The following DNM3 variants were observed in gnomAD, a reference collection of about 807,000 sequenced individuals.
The protein encoded by DNM3 is dynamin-3.
Under a neutral mutation model 101.6 loss-of-function variants are expected in DNM3, and 47 were observed. The observed-to-expected ratio is 0.46, with a 90% CI of 0.37 to 0.59. DNM3 has a LOEUF of 0.59. Ranked by LOEUF, DNM3 falls within the 20% of genes least tolerant of loss-of-function variation. The probability of loss-of-function intolerance (pLI) is 0.00; values close to 1 mark genes in which losing one functional copy is unlikely to be tolerated. For synonymous variants in DNM3, 385 were observed against 387.9 expected (o/e 0.99, Z 0.09); for missense variants, 849 against 1,085.7 (o/e 0.78, Z 3.06).
At position 172,315,300 on chromosome 1, in the gene DNM3, G is replaced by A. The variant is rs1018796887; in HGVS notation, c.1881+6461G>A. Reference sequence around the variant, plus strand: ...ACCACAAAGATGGGGAAAAAACAGAGCAGAAAAACTGGAAACTCTAAAAAG... The same window carrying A: ...ACCACAAAGATGGGGAAAAAACAGAACAGAAAAACTGGAAACTCTAAAAAG... On this transcript the variant is annotated intron_variant, in intron 16 of 20. Coordinates refer to ENST00000627582, the MANE Select transcript of DNM3 (RefSeq NM_015569.5). 4.6e-5 allele frequency among the ~76,000 whole-genome samples: 7 copies of A among 152,218 alleles called. No individual in the cohort carries two copies. The East Asian group carries it at 1.2e-3, about 25-fold the overall frequency.
intron 4 of DNM3, among the ~76,000 whole-genome samples, chr1:172,021,415 C>A (rs1025998876): frequency 1.3e-5 from 2 of 151,912 alleles, no homozygotes; most frequent in African/African-American, 4.8e-5. Context: ...TATGACTGAG[C>A]CATTACACTC....
chr1:172,224,348 A>G (rs889633662), intron 14 of DNM3, among the ~76,000 whole-genome samples: 1 of 152,198 alleles, frequency 6.6e-6, no homozygotes, highest in Non-Finnish European at 1.5e-5. Flanking sequence ...AGGCTAAATT[A>G]CTGAATTCAT....
At chr1:171,920,610 C>G (rs556049376) in intron 1 of DNM3, among the ~76,000 whole-genome samples, 158 of 152,270 alleles carry the variant, frequency 1.0e-3, no homozygotes, top group African/African-American at 3.7e-3. Flanking sequence ...GTGATGATTC[C>G]TCTAAAAGTT....
chr1:172,366,306 A>G (rs562939122), intron 17 of DNM3, among the ~76,000 whole-genome samples: 1 of 152,078 alleles, frequency 6.6e-6, no homozygotes, highest in Non-Finnish European at 1.5e-5. Flanking sequence ...AACCAAATAC[A>G]AAGAAAACTC....
chr1:171,999,817 A>G (rs1335276728), intron 4 of DNM3, among the ~76,000 whole-genome samples: 1 of 152,126 alleles, frequency 6.6e-6, no homozygotes, highest in Non-Finnish European at 1.5e-5. Context: ...CCATGTGAAG[A>G]TGGAGGCAGA....
At position 172,163,954 on chromosome 1, in the gene DNM3, TATAC is replaced by T. The variant is rs756105335; in HGVS notation, c.1659+32668_1659+32671del. Among the ~76,000 whole-genome samples the T allele has an allele frequency of 2.4e-3, 271 of 112,224 alleles. 2 individuals carry two copies. The highest frequency in any genetic ancestry group is 0.013 in the South Asian group (50 of 3,742). The allele number at this position is 112,224 out of a possible 152,430, so 73.6% of individuals were successfully genotyped here. On this transcript the variant is annotated intron_variant, in intron 14 of 20. Transcript: ENST00000627582. The stretch of plus-strand genomic sequence containing the variant: ...GCATATATACACATGCATACATATA[TATAC>T]ACACACACACACACACACACACACA...
intron 1 of DNM3, among the ~76,000 whole-genome samples, chr1:171,890,963 C>A (rs1478729170): frequency 6.6e-6 from 1 of 152,116 alleles, no homozygotes; most frequent in African/African-American, 2.4e-5. Flanking sequence ...CCACTGGCAC[C>A]CAACTGGGAC....
intron 1 of DNM3, among the ~76,000 whole-genome samples, chr1:171,908,884 A>G (rs1220642566): frequency 1.3e-5 from 2 of 152,134 alleles, no homozygotes; most frequent in African/African-American, 2.4e-5. Flanking sequence ...CTATAGCCAT[A>G]TTAAATGTGG....
At chr1:172,182,046 G>A (rs936592561) in intron 14 of DNM3, among the ~76,000 whole-genome samples, 2 of 151,754 alleles carry the variant, frequency 1.3e-5, no homozygotes, top group Non-Finnish European at 2.9e-5. Context: ...ACTGATAGTC[G>A]ATTTCTTTGA....
chr1:172,222,828 G>C (rs777697690), intron 14 of DNM3, among the ~76,000 whole-genome samples: 10 of 152,034 alleles, frequency 6.6e-5, no homozygotes, highest in Non-Finnish European at 1.3e-4. Context: ...TCTCAGAAGA[G>C]ATATAACTTG....
chr1:172,408,637 A>C lies in DNM3; in HGVS notation c.*796A>C, dbSNP rs2071050269. On this transcript the variant is annotated 3_prime_UTR_variant, in exon 21 of 21. Transcript: ENST00000627582. ...ATAATTTCTTTCTTTACTTATATTCACCTCATGGTAGGTTATATTGAAGGC... is the reference window on the plus strand; with the variant it reads ...ATAATTTCTTTCTTTACTTATATTCCCCTCATGGTAGGTTATATTGAAGGC... 1.0e-6 allele frequency: 1 copy of C among 984,852 alleles called. No homozygotes were observed. The allele number at this position is 984,852 out of a possible 1,614,324, so 61.0% of individuals were successfully genotyped here. A position where few individuals can be genotyped will look rare whatever the true frequency, so the allele number is the denominator to read the frequency against.
At chr1:172,186,918 G>A (rs1335198430) in intron 14 of DNM3, among the ~76,000 whole-genome samples, 1 of 152,064 alleles carries the variant, frequency 6.6e-6, no homozygotes, top group Non-Finnish European at 1.5e-5. Flanking sequence ...GCTATGGAGG[G>A]TTTGTGTCTC....
intron 14 of DNM3, among the ~76,000 whole-genome samples, chr1:172,191,779 T>G (rs143700081): frequency 2.8e-4 from 43 of 152,316 alleles, no homozygotes; most frequent in African/African-American, 1.0e-3. Flanking sequence ...TTTGAAGCAA[T>G]TGTGAATGGG....
intron 14 of DNM3, among the ~76,000 whole-genome samples, chr1:172,217,166 TC>T (rs200718819): frequency 0.01 from 1,593 of 152,250 alleles, 17 homozygotes; most frequent in African/African-American, 0.036. Flanking sequence ...GCTCTCACCT[TC>T]TTCAGCCTCC....
At chr1:172,223,878 C>T (rs2061004140) in intron 14 of DNM3, among the ~76,000 whole-genome samples, 1 of 152,146 alleles carries the variant, frequency 6.6e-6, no homozygotes, top group South Asian at 2.1e-4. Context: ...GCCACGGTCC[C>T]ATTGTGTCAC....
At chr1:172,266,209 T>C (rs983118760) in intron 15 of DNM3, among the ~76,000 whole-genome samples, 3 of 152,200 alleles carry the variant, frequency 2.0e-5, no homozygotes, top group Non-Finnish European at 4.4e-5. Flanking sequence ...TTTATATACC[T>C]CTATGGCTAC....
At chr1:172,116,988 C>G (rs894996081) in intron 13 of DNM3, among the ~76,000 whole-genome samples, 1 of 151,982 alleles carries the variant, frequency 6.6e-6, no homozygotes, top group African/African-American at 2.4e-5. Context: ...GGCGGATCAC[C>G]TGAGGTTGGG....
exon 21 of DNM3, chr1:172,418,418 AT>A: frequency 9.9e-7 from 1 of 1,006,710 alleles, no homozygotes; most frequent in Non-Finnish European, 1.3e-6. Context: ...AAAAACTTTT[AT>A]TTTTCATCCA....
intron 13 of DNM3, among the ~76,000 whole-genome samples, chr1:172,113,752 T>C (rs2055683169): frequency 6.6e-6 from 1 of 151,586 alleles, no homozygotes; most frequent in South Asian, 2.1e-4. Flanking sequence ...TTACAGCACA[T>C]CCTGCATCGT....
Sources: allele counts gnomAD v4.1 joint callset (sites outside exome capture counted in the v4.1 genomes callset), GRCh38; gene constraint gnomAD v4.1.1; transcripts MANE v1.5; gene names NCBI Gene and HGNC (gene_info 2026-07-23, HGNC 2026-07-21).